ZNF267: variants seen among roughly 807,000 people sequenced by gnomAD.
ZNF267 encodes the protein zinc finger protein 267, also known as zinc finger (C2H2).
A neutral mutation model predicts 71.6 loss-of-function variants in ZNF267; 61 were observed. The ratio of observed to expected loss-of-function variants is 0.85; its 90% CI spans 0.69 to 1.05. ZNF267 has a LOEUF of 1.05. Among genes scored for constraint, ZNF267 ranks in the 50% least tolerant of loss-of-function variants. The pLI is 0.00. For missense variants in ZNF267, 852 were observed against 870.0 expected (o/e 0.98, Z 0.26); for synonymous variants, 288 against 293.2 (o/e 0.98, Z 0.18).
chr16:31,899,309 G>A (rs1448504133), intron 3 of ZNF267, among the ~76,000 whole-genome samples: 5 of 152,116 alleles, frequency 3.3e-5, no homozygotes. Context: ...AAATGTAAAA[G>A]AACAGAAATC....
At chr16:31,892,371 A>T (rs1390000558) in intron 3 of ZNF267, among the ~76,000 whole-genome samples, 3 of 152,070 alleles carry the variant, frequency 2.0e-5, no homozygotes, top group African/African-American at 7.3e-5. Flanking sequence ...AACACATGGG[A>T]ATTGAAGATA....
At chr16:31,884,736 A>G (rs752770005) in intron 2 of ZNF267, 112 bp downstream of exon 2, 9 of 1,203,512 alleles carry the variant, frequency 7.5e-6, no homozygotes, top group Non-Finnish European at 1.0e-5. Flanking sequence ...TCTTGTTTTC[A>G]GGAAAAAAAT....
intron 3 of ZNF267, chr16:31,895,039 C>T (rs982444775): frequency 3.8e-6 from 1 of 261,918 alleles, no homozygotes; most frequent in Middle Eastern, 1.5e-3. Flanking sequence ...ACCCATGGCT[C>T]CCACTTCCTC....
At chr16:31,876,748 C>G (rs1391066704) in intron 1 of ZNF267, among the ~76,000 whole-genome samples, 1 of 152,202 alleles carries the variant, frequency 6.6e-6, no homozygotes, top group Non-Finnish European at 1.5e-5. Flanking sequence ...ACTGGGCATT[C>G]TCATTGAATA....
rs34409182 is a variant in ZNF267, at chr16:31,909,120, CTTTTTTTTTTTTT to C, written c.227-5342_227-5330del. Among the ~76,000 whole-genome samples, 55 of 45,340 alleles carry C rather than the reference CTTTTTTTTTTTTT, an allele frequency of 1.2e-3. 1 individual carries two copies. The highest frequency in any genetic ancestry group is 4.4e-3 in the African/African-American group (51 of 11,666). The allele number at this position is 45,340 out of a possible 152,430, so 29.7% of individuals were successfully genotyped here. On this transcript the variant is annotated intron_variant, in intron 3 of 3. Transcript: ENST00000300870. Reference sequence around the variant, plus strand: ...TTCTATCTTCTATTTCTTTTCTTTTCTTTTTTTTTTTTTTTTTTTTTTTTTTGACGTATCTCCC... The same window carrying C: ...TTCTATCTTCTATTTCTTTTCTTTTCTTTTTTTTTTTTTGACGTATCTCCC...
chr16:31,910,485 A>C (rs1441060351), intron 3 of ZNF267, among the ~76,000 whole-genome samples: 1 of 151,580 alleles, frequency 6.6e-6, no homozygotes, highest in Non-Finnish European at 1.5e-5. Context: ...GGTAAGTTGT[A>C]TATATCTGGG....
At chr16:31,909,075 G>C (rs1470222842) in intron 3 of ZNF267, among the ~76,000 whole-genome samples, 3 of 6,728 alleles carry the variant, frequency 4.5e-4, no homozygotes, top group Non-Finnish European at 8.8e-3. Flanking sequence ...GTGTGTGTGT[G>C]TGTGTGTGTG....
At chr16:31,881,522 A>T (rs1046239539) in intron 1 of ZNF267, among the ~76,000 whole-genome samples, 2 of 152,046 alleles carry the variant, frequency 1.3e-5, no homozygotes, top group African/African-American at 4.8e-5. Flanking sequence ...TGAAAATTAA[A>T]TTTTTTTCTT....
intron 3 of ZNF267, among the ~76,000 whole-genome samples, chr16:31,905,711 C>G (rs932333175): frequency 1.3e-5 from 2 of 152,148 alleles, no homozygotes; most frequent in African/African-American, 4.8e-5. Context: ...AGGTTTTTAA[C>G]TTCTTTGCCA....
chr16:31,897,163 A>C (rs532059801), intron 3 of ZNF267, among the ~76,000 whole-genome samples: 145 of 151,980 alleles, frequency 9.5e-4, no homozygotes, highest in Non-Finnish European at 1.5e-3. Flanking sequence ...AAAACAAAAA[A>C]AACCCAGAAA....
rs1223413503 is a variant in ZNF267 at position 31,915,430 on chromosome 16, A to G, written c.1181A>G (p.Asn394Ser). The change falls in exon 4 of 4, where the codon AAT becomes AGT. Residue 394 changes from asparagine (N) to serine (S), a missense_variant. Asn to Ser is a conservative substitution (Grantham distance 46, BLOSUM62 1). Coordinates refer to ENST00000300870, the MANE Select transcript of ZNF267 (RefSeq NM_003414.6). ...ACSKSFTRSS[N>S]LIVHQRIHTG... ...AGCAAATCTTTTACTCGTTCCTCCA[A>G]TCTTATTGTGCATCAGAGAATTCAC... The G allele has an allele frequency of 5.0e-6, 8 of 1,613,760 alleles. No homozygotes were observed. The highest frequency in any genetic ancestry group is 2.2e-5 in the South Asian group (2 of 91,050).
intron 3 of ZNF267, among the ~76,000 whole-genome samples, chr16:31,907,082 A>G (rs538838629): frequency 5.8e-4 from 89 of 152,156 alleles, no homozygotes; most frequent in African/African-American, 2.1e-3. Flanking sequence ...ATCATTTTAT[A>G]AGAGTGGCCT....
chr16:31,876,760 T>G (rs1391464210), intron 1 of ZNF267, among the ~76,000 whole-genome samples: 1 of 152,226 alleles, frequency 6.6e-6, no homozygotes, highest in Non-Finnish European at 1.5e-5. Flanking sequence ...CATTGAATAC[T>G]AATTGAATAA....
intron 1 of ZNF267, chr16:31,874,381 G>C (rs763095649): frequency 1.1e-3 from 182 of 173,074 alleles, no homozygotes; most frequent in Non-Finnish European, 1.7e-3. Flanking sequence ...CTGTTAAAAC[G>C]TTGAAGAATT....
At position 31,916,498 on chromosome 16, in the gene ZNF267, G is replaced by A; in HGVS notation, c.*17G>A. 1 of 1,594,174 alleles carries A rather than the reference G, an allele frequency of 6.3e-7. No homozygotes were observed. Among genetic ancestry groups the A allele is most frequent in the Non-Finnish European group, 8.5e-7 (1 of 1,170,254 alleles). On this transcript the variant is annotated 3_prime_UTR_variant, in exon 4 of 4. Transcript: ENST00000300870. ...AAACTTTAAAAATGTAAAACATGGA[G>A]CAGATTTTTTACTTGTTACCCATGT... is the stretch of plus-strand genomic sequence containing the variant.
intron 3 of ZNF267, among the ~76,000 whole-genome samples, chr16:31,902,093 C>G (rs187917316): frequency 6.6e-6 from 1 of 152,148 alleles, no homozygotes; most frequent in African/African-American, 2.4e-5. Flanking sequence ...TGTCAAAGAT[C>G]GGATGGTTGT....
intron 3 of ZNF267, among the ~76,000 whole-genome samples, chr16:31,903,623 C>T (rs1161046290): frequency 4.6e-5 from 7 of 152,168 alleles, no homozygotes; most frequent in African/African-American, 1.2e-4. Flanking sequence ...TCTGTGGGAT[C>T]GGTGGTGATA....
chr16:31,874,781 A>C (rs2083840269), intron 1 of ZNF267, among the ~76,000 whole-genome samples: 1 of 152,174 alleles, frequency 6.6e-6, no homozygotes, highest in African/African-American at 2.4e-5. Context: ...CAGAGTCTCA[A>C]GTCCACCACT....
At chr16:31,904,506 C>T (rs1217233417) in intron 3 of ZNF267, among the ~76,000 whole-genome samples, 19 of 152,200 alleles carry the variant, frequency 1.2e-4, no homozygotes, top group Admixed American at 1.2e-3. Context: ...ATAGTTAGCT[C>T]TTCTTGTTGA....
Sources: gnomAD v4.1 joint callset for allele counts (sites outside exome capture counted in the v4.1 genomes callset) on GRCh38, gnomAD v4.1.1 for gene constraint, MANE v1.5 for transcripts, NCBI Gene and HGNC (gene_info 2026-07-23, HGNC 2026-07-21) for gene names.